Variants in TMEM132D observed in about 807,000 individuals in gnomAD.
TMEM132D encodes the protein mature OL transmembrane protein.
In TMEM132D, 21 loss-of-function variants were observed where a neutral mutation model predicts 62.3. That is an observed-to-expected ratio of 0.34 (90% confidence interval 0.24 to 0.49). The LOEUF is 0.49. TMEM132D is among the 20% of genes least tolerant of loss of function. TMEM132D has a pLI of 0.99. For missense variants in TMEM132D, 1,346 were observed against 1,402.8 expected, an observed-to-expected ratio of 0.96 and a Z score of 0.65; for synonymous variants, 621 against 575.6, an observed-to-expected ratio of 1.08 and a Z score of -1.13.
chr12:129,798,119 C>T (rs757306715), intron 1 of TMEM132D, among the ~76,000 whole-genome samples: 2 of 152,204 alleles, frequency 1.3e-5, no homozygotes, highest in Non-Finnish European at 2.9e-5. Flanking sequence ...CATTCCCCTC[C>T]TGCCATGACT....
rs984993060 is a variant in TMEM132D, at chr12:129,779,901, A to G, written c.80-79203T>C. 1.3e-5 allele frequency among the ~76,000 whole-genome samples: 2 copies of G among 152,048 alleles called. No homozygotes were observed. Among genetic ancestry groups the G allele is most frequent in the Non-Finnish European group, 2.9e-5 (2 of 68,014 alleles). ...GGTGAAGCACATTACTATTTTTACC[A>G]ACGTGCTTTTACGCATTGACTCCAG... On this transcript the variant is annotated intron_variant, in intron 1 of 8. Coordinates refer to ENST00000422113, the MANE Select transcript of TMEM132D (RefSeq NM_133448.3). The surrounding 1 kb of genome is among the most constrained non-coding windows in gnomAD (Gnocchi z 4.1).
At chr12:129,777,297 T>A (rs1423348067) in intron 1 of TMEM132D, among the ~76,000 whole-genome samples, 5 of 152,232 alleles carry the variant, frequency 3.3e-5, no homozygotes, top group African/African-American at 1.2e-4. Flanking sequence ...CTACTCGTTG[T>A]CAAGAAGCCA....
intron 2 of TMEM132D, among the ~76,000 whole-genome samples, chr12:129,632,070 A>G (rs1189293037): frequency 6.6e-6 from 1 of 152,252 alleles, no homozygotes; most frequent in East Asian, 1.9e-4. Flanking sequence ...AGCATTTTAC[A>G]TAAATACGCT....
At chr12:129,119,712 C>G (rs1411804605) in intron 5 of TMEM132D, among the ~76,000 whole-genome samples, 6 of 152,162 alleles carry the variant, frequency 3.9e-5, no homozygotes. Context: ...TGATGAGCAC[C>G]TCAGGGGAGT....
intron 5 of TMEM132D, among the ~76,000 whole-genome samples, chr12:129,166,352 G>A (rs12821676): frequency 0.16 from 5,649 of 35,302 alleles, 227 homozygotes; most frequent in East Asian, 0.28. Context: ...TGTTTGACAG[G>A]CATGAATGCG....
chr12:129,626,427 T>C (rs1003998570), intron 2 of TMEM132D, among the ~76,000 whole-genome samples: 1 of 151,960 alleles, frequency 6.6e-6, no homozygotes, highest in African/African-American at 2.4e-5. Flanking sequence ...ATTTGCATAC[T>C]ACTCAATTGT....
Position 129,666,649 on chromosome 12 carries a change from G to A in TMEM132D, c.968+33161C>T, listed in dbSNP as rs377639290. ...TGGGGACCTGTGGATAGCCACGCCC[G>A]TAGCTATGCTGAAAACAGTCAGACC... On this transcript the variant is annotated intron_variant, in intron 2 of 8. Coordinates refer to ENST00000422113, the MANE Select transcript of TMEM132D (RefSeq NM_133448.3). Among the ~76,000 whole-genome samples, 7 of 152,244 alleles carry A rather than the reference G, an allele frequency of 4.6e-5. No individual in the cohort carries two copies. The South Asian group carries it at 6.2e-4, about 14-fold the overall frequency.
chr12:129,078,686 T>C lies in TMEM132D; in HGVS notation c.1963A>G (p.Thr655Ala), dbSNP rs1593252482. The C allele has an allele frequency of 3.1e-6, 5 of 1,614,156 alleles. No homozygotes were observed. The highest frequency in any genetic ancestry group is 1.3e-5 in the African/African-American group (1 of 75,042). The change falls in exon 8 of 9, where the codon ACC becomes GCC. Residue 655 changes from threonine (T) to alanine (A), a missense_variant. Transcript: ENST00000422113. ...PLSDTILAEKTITVLDEKVTI... is the reference protein window; with the variant it reads ...PLSDTILAEKAITVLDEKVTI... Reference sequence around the variant, plus strand: ...ACCTTCTCGTCCAGCACAGTGATGGTCTTTTCAGCGAGGATGGTGTCTGAC... The same window carrying C: ...ACCTTCTCGTCCAGCACAGTGATGGCCTTTTCAGCGAGGATGGTGTCTGAC...
intron 5 of TMEM132D, among the ~76,000 whole-genome samples, chr12:129,127,602 C>T (rs113558345): frequency 2.0e-5 from 3 of 152,298 alleles, no homozygotes; most frequent in South Asian, 2.1e-4. Context: ...TTAAAAAACA[C>T]GTCTCCATTT....
chr12:129,464,756 G>T (rs937177376), intron 3 of TMEM132D, among the ~76,000 whole-genome samples: 1 of 151,958 alleles, frequency 6.6e-6, no homozygotes, highest in Non-Finnish European at 1.5e-5. Context: ...TGTTTTTCTC[G>T]GGTTTGTCAA....
At chr12:129,169,996 A>G (rs1032040282) in intron 5 of TMEM132D, 1 of 152,240 alleles carries the variant, frequency 6.6e-6, no homozygotes, top group African/African-American at 2.4e-5. Flanking sequence ...AGCACCTGCA[A>G]TCCTCACGCT....
intron 5 of TMEM132D, among the ~76,000 whole-genome samples, chr12:129,107,184 A>G (rs887096777): frequency 5.1e-4 from 78 of 152,346 alleles, no homozygotes; most frequent in Non-Finnish European, 5.4e-4. Flanking sequence ...TTCTGAAACC[A>G]TAACAAGAGA....
At chr12:129,761,358 C>A (rs1211791151) in intron 1 of TMEM132D, among the ~76,000 whole-genome samples, 1 of 152,128 alleles carries the variant, frequency 6.6e-6, no homozygotes, top group Non-Finnish European at 1.5e-5. Context: ...GACCTCCCAC[C>A]TGGCTGCCCC....
intron 5 of TMEM132D, among the ~76,000 whole-genome samples, chr12:129,170,593 G>A (rs1877692238): frequency 6.6e-6 from 1 of 152,128 alleles, no homozygotes. Flanking sequence ...TGTGGGCCGA[G>A]GCAGGCAGAT....
At chr12:129,528,798 T>C (rs1474806730) in intron 3 of TMEM132D, among the ~76,000 whole-genome samples, 4 of 152,228 alleles carry the variant, frequency 2.6e-5, no homozygotes, top group Admixed American at 1.3e-4. Context: ...GACACTGCTG[T>C]ATGAGCTGGA....
chr12:129,139,681 A>ACAT (rs1876680519), intron 5 of TMEM132D, among the ~76,000 whole-genome samples: 2 of 152,304 alleles, frequency 1.3e-5, no homozygotes, highest in South Asian at 4.1e-4. Context: ...AGATAAACAT[A>ACAT]CATCATCATC....
intron 1 of TMEM132D, among the ~76,000 whole-genome samples, chr12:129,773,115 A>G (rs908175775): frequency 4.6e-5 from 7 of 152,278 alleles, no homozygotes; most frequent in African/African-American, 1.7e-4. Context: ...GATCTAGGAT[A>G]CAAATGCCCT....
chr12:129,395,118 A>G (rs967633804), intron 3 of TMEM132D, among the ~76,000 whole-genome samples: 2 of 152,194 alleles, frequency 1.3e-5, no homozygotes, highest in African/African-American at 2.4e-5. Flanking sequence ...AGCAAATATA[A>G]TGGGAGACAC....
chr12:129,487,153 A>G (rs955818909), intron 3 of TMEM132D, among the ~76,000 whole-genome samples: 4 of 152,100 alleles, frequency 2.6e-5, no homozygotes, highest in African/African-American at 9.7e-5. Context: ...GACTAGCAAC[A>G]TTTTACAGGA....
Sources: gnomAD v4.1 joint callset for allele counts (sites outside exome capture counted in the v4.1 genomes callset) on GRCh38, gnomAD v4.1.1 for gene constraint, Gnocchi (gnomAD v3.1) non-coding constraint, MANE v1.5 for transcripts, NCBI Gene and HGNC (gene_info 2026-07-23, HGNC 2026-07-21) for gene names.